The following LMBR1 variants were observed in gnomAD, a reference collection of about 807,000 sequenced individuals.
The protein encoded by LMBR1 is limb development membrane protein 1, also known as limb region 1 protein homolog.
LMBR1 carries 52 observed loss-of-function variants against 73.9 expected under a neutral mutation model. That is an observed-to-expected ratio of 0.70 (90% CI 0.56 to 0.89). The LOEUF is 0.89. Among genes scored for constraint, LMBR1 ranks in the 40% least tolerant of loss-of-function variants. LMBR1 has a pLI of 0.00. For synonymous variants in LMBR1, 215 were observed against 209.4 expected (o/e 1.03, Z -0.23); for missense variants, 539 against 579.8 (o/e 0.93, Z 0.72).
At chr7:156,803,193 C>A (rs1474505216) in intron 4 of LMBR1, among the ~76,000 whole-genome samples, 1 of 152,132 alleles carries the variant, frequency 6.6e-6, no homozygotes, top group East Asian at 1.9e-4. Context: ...GCAAAAGAAA[C>A]CACCATCAGA....
At chr7:156,803,999 G>T (rs1346053467) in intron 4 of LMBR1, among the ~76,000 whole-genome samples, 3 of 127,958 alleles carry the variant, frequency 2.3e-5, no homozygotes, top group African/African-American at 8.6e-5. Context: ...GTTGTGGGGT[G>T]GGGGGAGGGG....
At position 156,893,036 on chromosome 7, in the gene LMBR1, C is replaced by T; in HGVS notation, c.-43G>A. On this transcript the variant is annotated 5_prime_UTR_variant, in exon 1 of 17. Transcript: ENST00000353442. ...GCCGCGCCGCCCGCGTCCGCGTGCT[C>T]CGCCACACCATCGTCCGCCCGCCGC... 1 of 1,439,174 alleles carries T rather than the reference C, an allele frequency of 6.9e-7. No homozygotes were observed. The allele number at this position is 1,439,174 out of a possible 1,614,324, so 89.2% of individuals were successfully genotyped here. A position where few individuals can be genotyped will look rare whatever the true frequency, so the allele number is the denominator to read the frequency against.
chr7:156,826,242 A>G (rs769006491), intron 4 of LMBR1, among the ~76,000 whole-genome samples: 22 of 152,114 alleles, frequency 1.4e-4, no homozygotes, highest in Non-Finnish European at 1.8e-4. Context: ...GACCTCTCAA[A>G]GTGCTGGGAT....
intron 15 of LMBR1, among the ~76,000 whole-genome samples, chr7:156,709,285 C>A (rs910495551): frequency 6.6e-6 from 1 of 152,218 alleles, no homozygotes; most frequent in Non-Finnish European, 1.5e-5. Flanking sequence ...GACAGAATAA[C>A]CCTGCTCCCA....
chr7:156,708,940 C>T (rs1347937895), intron 15 of LMBR1, among the ~76,000 whole-genome samples: 2 of 152,116 alleles, frequency 1.3e-5, no homozygotes, highest in African/African-American at 2.4e-5. Flanking sequence ...CACAGGTGGC[C>T]AAGATCCCCT....
chr7:156,717,289 G>A lies in LMBR1; in HGVS notation c.1225+6823C>T, dbSNP rs77417571. Among the ~76,000 whole-genome samples the A allele has an allele frequency of 5.4e-4, 83 of 152,314 alleles. No individual in the cohort carries two copies. The East Asian group carries it at 0.013, about 24-fold the overall frequency. ...TAGAAAGTGTCCCAGAGACTGAAGG[G>A]AAATACAGGAGAGAGAGAAATGACA... On this transcript the variant is annotated intron_variant, in intron 15 of 16. Coordinates refer to ENST00000353442, the MANE Select transcript of LMBR1 (RefSeq NM_022458.4).
chr7:156,866,476 G>A (rs1227112904), intron 1 of LMBR1, among the ~76,000 whole-genome samples: 1 of 151,002 alleles, frequency 6.6e-6, no homozygotes, highest in Admixed American at 6.6e-5. Flanking sequence ...TTGTGAGAGC[G>A]GCTTATCTAG....
chr7:156,792,910 C>T (rs1264240708), intron 5 of LMBR1, among the ~76,000 whole-genome samples: 1 of 143,482 alleles, frequency 7.0e-6, no homozygotes, highest in African/African-American at 2.6e-5. Context: ...GGAGGGTGGC[C>T]ACAGGAAAAA....
At chr7:156,877,679 C>G (rs1170045871) in intron 1 of LMBR1, among the ~76,000 whole-genome samples, 1 of 152,026 alleles carries the variant, frequency 6.6e-6, no homozygotes, top group Admixed American at 6.6e-5. Context: ...GTCAGGAGAT[C>G]GAGACCATTC....
intron 15 of LMBR1, among the ~76,000 whole-genome samples, chr7:156,692,403 G>A (rs1470325972): frequency 6.6e-6 from 1 of 152,156 alleles, no homozygotes; most frequent in Admixed American, 6.6e-5. Flanking sequence ...CAGTCTTACT[G>A]TGCAAGTATA....
intron 15 of LMBR1, among the ~76,000 whole-genome samples, chr7:156,719,888 A>G (rs532911995): frequency 5.9e-5 from 9 of 152,072 alleles, no homozygotes; most frequent in Admixed American, 5.2e-4. Context: ...GTGCTGGGAA[A>G]ACTGGCTAGC....
At chr7:156,765,843 A>G (rs1214408064) in intron 5 of LMBR1, among the ~76,000 whole-genome samples, 3 of 152,206 alleles carry the variant, frequency 2.0e-5, no homozygotes, top group Non-Finnish European at 4.4e-5. Flanking sequence ...TTATACCTGT[A>G]ATATACATGA....
intron 5 of LMBR1, among the ~76,000 whole-genome samples, chr7:156,778,124 C>G (rs533431581): frequency 7.9e-5 from 12 of 152,268 alleles, no homozygotes; most frequent in African/African-American, 2.9e-4. Context: ...AAACATTTAG[C>G]CAAAAGAACT....
intron 5 of LMBR1, among the ~76,000 whole-genome samples, chr7:156,767,119 T>C (rs1367276060): frequency 1.3e-5 from 2 of 152,060 alleles, no homozygotes; most frequent in South Asian, 2.1e-4. Flanking sequence ...GGAAAAAAGA[T>C]GATGGGGTAA....
In LMBR1 at chr7:156,744,807, T is replaced by C. The variant is rs532012692; in HGVS notation, c.758-10550A>G. ...AGTGAGAAGTCCTAAAATCAAAGTG[T>C]TAGCAGGACTATAATCCTTCTGGAG... On this transcript the variant is annotated intron_variant, in intron 9 of 16. Transcript: ENST00000353442. Among the ~76,000 whole-genome samples, 201 of 152,338 alleles carry C rather than the reference T, an allele frequency of 1.3e-3. 1 individual carries two copies. Among genetic ancestry groups the C allele is most frequent in the Middle Eastern group, 6.8e-3 (2 of 294 alleles).
chr7:156,753,399 T>G (rs1821253978), intron 9 of LMBR1, among the ~76,000 whole-genome samples: 1 of 151,948 alleles, frequency 6.6e-6, no homozygotes, highest in South Asian at 2.1e-4. Flanking sequence ...GGGCACCTAC[T>G]CAAACTCCAG....
intron 3 of LMBR1, among the ~76,000 whole-genome samples, chr7:156,829,029 T>C (rs1485912780): frequency 6.6e-6 from 1 of 151,344 alleles, no homozygotes; most frequent in Non-Finnish European, 1.5e-5. Context: ...TTTACGTGCC[T>C]ACCTTATCTA....
At chr7:156,752,431 CAGAG>C (rs1163607036) in intron 9 of LMBR1, among the ~76,000 whole-genome samples, 1 of 152,082 alleles carries the variant, frequency 6.6e-6, no homozygotes, top group Non-Finnish European at 1.5e-5. Context: ...ATGACAGAGA[CAGAG>C]AGTCAGAAAG....
chr7:156,789,909 C>T lies in LMBR1; in HGVS notation c.423+6480G>A, dbSNP rs1179284576. Among the ~76,000 whole-genome samples the T allele has an allele frequency of 6.6e-5, 10 of 150,900 alleles. No homozygotes were observed. In the East Asian group the frequency reaches 7.7e-4, roughly 12 times the overall value. On this transcript the variant is annotated intron_variant, in intron 5 of 16. Transcript: ENST00000353442. ...CATGAGTATTGGAGTAGTATTACAG[C>T]CAGTTTAATTTAAAGTATAATTACT... is the stretch of plus-strand genomic sequence containing the variant.
Sources: allele counts gnomAD v4.1 joint callset (sites outside exome capture counted in the v4.1 genomes callset), GRCh38; gene constraint gnomAD v4.1.1; transcripts MANE v1.5; gene names NCBI Gene and HGNC (gene_info 2026-07-23, HGNC 2026-07-21).